The following SNX32 variants were observed in gnomAD, a reference collection of about 807,000 sequenced individuals.
SNX32 encodes sorting nexin 32.
SNX32 carries 58 observed loss-of-function variants against 57.0 expected under a neutral mutation model. That is an observed-to-expected ratio of 1.02 (90% CI 0.82 to 1.27). The LOEUF (loss-of-function observed/expected upper bound fraction) is 1.27. Among genes scored for constraint, SNX32 ranks in the 50% most tolerant of loss-of-function variants. SNX32 has a pLI of 0.00. For synonymous variants in SNX32, 262 were observed against 220.4 expected, an observed-to-expected ratio of 1.19 and a Z score of -1.67; for missense variants, 589 against 541.2, an observed-to-expected ratio of 1.09 and a Z score of -0.88.
In SNX32 at chr11:65,852,642, C is replaced by T. The variant is rs140929894; in HGVS notation, c.925C>T (p.Arg309Trp). The change falls in exon 11 of 13, where the codon CGG becomes TGG. Residue 309 changes from arginine (R) to tryptophan (W), a missense_variant. Physicochemically the swap from Arg to Trp is moderately radical, Grantham distance 101. Coordinates refer to ENST00000308342, the MANE Select transcript of SNX32 (RefSeq NM_152760.3). ...CCCATGGTCCTAGGACCTGCTGTACCGGCGGCTGCGGGCACTGGCCGACTA... is the reference window on the plus strand; with the variant it reads ...CCCATGGTCCTAGGACCTGCTGTACTGGCGGCTGCGGGCACTGGCCGACTA... ...DSQAAKDLLY[R>W]RLRALADYEN... 3.2e-5 allele frequency: 51 copies of T among 1,606,758 alleles called. No individual in the cohort carries two copies. In the African/African-American group the frequency reaches 4.4e-4, roughly 14 times the overall value.
In SNX32 at chr11:65,853,647, T is replaced by C. The variant is rs1006506376; in HGVS notation, c.*312T>C. On this transcript the variant is annotated 3_prime_UTR_variant, in exon 13 of 13. Coordinates refer to ENST00000308342, the MANE Select transcript of SNX32 (RefSeq NM_152760.3). ...CCCATAGCCCTGAAGGAATCATAGC[T>C]CACTTGATCCCGGCCTGTTCTCCTT... 8 of 456,940 alleles carry C rather than the reference T, an allele frequency of 1.8e-5. No individual in the cohort carries two copies. Among genetic ancestry groups the C allele is most frequent in the East Asian group, 3.8e-5 (1 of 26,174 alleles). The allele number at this position is 456,940 out of a possible 1,614,324, so 28.3% of individuals were successfully genotyped here.
rs1182621169 is a variant in SNX32 at position 65,850,473 on chromosome 11, A to G, written c.417A>G (p.Glu139=). Residue 139 remains glutamate (E), a synonymous_variant, in exon 5 of 13, where the codon GAA becomes GAG. Transcript: ENST00000308342. ...AIFKKTVAMH[E]VFLQRLAAHP... ...TTAAGAAGACAGTTGCGATGCACGAAGTCTTTCTGCAGCGCCTGGCGGCCC... is the reference window on the plus strand; with the variant it reads ...TTAAGAAGACAGTTGCGATGCACGAGGTCTTTCTGCAGCGCCTGGCGGCCC... The G allele has an allele frequency of 6.2e-7, 1 of 1,614,064 alleles. No individual in the cohort carries two copies. The highest frequency in any genetic ancestry group is 1.3e-5 in the African/African-American group (1 of 74,932).
At position 65,852,700 on chromosome 11, in the gene SNX32, GCAC is replaced by G; in HGVS notation, c.986_988del (p.Thr329del). 6.3e-7 allele frequency: 1 copy of G among 1,597,560 alleles called. No individual in the cohort carries two copies. Among genetic ancestry groups the G allele is most frequent in the East Asian group, 2.3e-5 (1 of 44,354 alleles). On this transcript the variant is annotated inframe_deletion, in exon 11 of 13. Transcript: ENST00000308342. ...GCCAACAAGGCGCTGGACAAGGCGC[GCAC>G]CAGGAACCGGGAGGTGCGGCCCGCC... is the stretch of plus-strand genomic sequence containing the variant.
At chr11:65,845,227 C>G (rs895767611) in intron 1 of SNX32, among the ~76,000 whole-genome samples, 12 of 150,214 alleles carry the variant, frequency 8.0e-5, no homozygotes, top group Non-Finnish European at 1.6e-4. Context: ...ATCATGAGGT[C>G]TGGAGATCGA....
intron 1 of SNX32, among the ~76,000 whole-genome samples, chr11:65,846,292 C>T (rs1287939000): frequency 6.6e-6 from 1 of 151,016 alleles, no homozygotes; most frequent in Admixed American, 6.6e-5. Context: ...TAGGCCAGGA[C>T]GGGTGCGGTG....
At chr11:65,849,704 C>T (rs145224830) in intron 2 of SNX32, 122 bp downstream of exon 2, 3 of 926,786 alleles carry the variant, frequency 3.2e-6, no homozygotes, top group African/African-American at 1.6e-5. Flanking sequence ...GGCACTTGCC[C>T]TCAGCCCCTC....
At position 65,850,170 on chromosome 11, in the gene SNX32, G is replaced by A; in HGVS notation, c.273G>A (p.Arg91=). Residue 91 remains arginine (R), a synonymous_variant, in exon 4 of 13, where the codon AGG becomes AGA. Coordinates refer to ENST00000308342, the MANE Select transcript of SNX32 (RefSeq NM_152760.3). ...AGLIIPPAPP[R]PDFEASREKL... ...AGCAGATCCCCCCAGCCCCTCCGAG[G>A]CCAGACTTTGAGGCTTCGAGGGAAA... 1 of 1,614,210 alleles carries A rather than the reference G, an allele frequency of 6.2e-7. No homozygotes were observed. Among genetic ancestry groups the A allele is most frequent in the Non-Finnish European group, 8.5e-7 (1 of 1,180,030 alleles).
Position 65,853,070 on chromosome 11 carries a change from C to T in SNX32, c.1158+112C>T, listed in dbSNP as rs554379065. Reference sequence around the variant, plus strand: ...GTGAGGGTGTGCACGCATGTATGCGCGTGTGTGTGCATGAGAGGAGCCCCA... The same window carrying T: ...GTGAGGGTGTGCACGCATGTATGCGTGTGTGTGTGCATGAGAGGAGCCCCA... On this transcript the variant is annotated intron_variant, in intron 12 of 12. Coordinates refer to ENST00000308342, the MANE Select transcript of SNX32 (RefSeq NM_152760.3). 2.6e-5 allele frequency: 34 copies of T among 1,301,378 alleles called. No homozygotes were observed. In the Admixed American group the frequency reaches 2.7e-4, roughly 10 times the overall value. 80.6% of individuals were successfully genotyped at this position (1,301,378 alleles called of 1,614,324 possible).
Position 65,833,974 on chromosome 11 carries a change from G to T in SNX32, c.-92G>T, listed in dbSNP as rs1858573602. 2 of 1,422,014 alleles carry T rather than the reference G, an allele frequency of 1.4e-6. No homozygotes were observed. Among genetic ancestry groups the T allele is most frequent in the Non-Finnish European group, 1.9e-6 (2 of 1,042,916 alleles). 88.1% of individuals were successfully genotyped at this position (1,422,014 alleles called of 1,614,324 possible). A position where few individuals can be genotyped will look rare whatever the true frequency, so the allele number is the denominator to read the frequency against. ...GGGAGAGCGTCCCCGTCAGCTGAGA[G>T]CATCCTCACTCGGTCAGTTCCTCGG... is the stretch of plus-strand genomic sequence containing the variant. On this transcript the variant is annotated 5_prime_UTR_variant, in exon 1 of 13. Transcript: ENST00000308342.
rs1418289068 is a variant in SNX32, at chr11:65,849,539, CAGTG to C, written c.105_108del (p.Glu36GlyfsTer4). ...TCCTTACAGGTGGAGATTTCTGACG[CAGTG>C]AGTGAGCGGGACAAGGTGAAATTCA... On this transcript the variant is annotated frameshift_variant, in exon 2 of 13. Transcript: ENST00000308342. LOFTEE classifies it high-confidence loss of function. The C allele has an allele frequency of 1.9e-6, 3 of 1,614,182 alleles. No individual in the cohort carries two copies. The highest frequency in any genetic ancestry group is 1.7e-6 in the Non-Finnish European group (2 of 1,180,012).
In SNX32 at chr11:65,849,496, G is replaced by T. The variant is rs959534715; in HGVS notation, c.55G>T (p.Asp19Tyr). 31 of 1,612,752 alleles carry T rather than the reference G, an allele frequency of 1.9e-5. No homozygotes were observed. Among genetic ancestry groups the T allele is most frequent in the Non-Finnish European group, 2.5e-5 (29 of 1,179,166 alleles). Residue 19 changes from aspartate to tyrosine, a missense_variant, in exon 2 of 13, where the codon GAT (aspartate) becomes TAT (tyrosine). Transcript: ENST00000308342. ...KEGKPSCASV[D>Y]LQGDSSLQVE... ...TCCGCAGCCTTCCTGTGCATCGGTGGATCTGCAGGGAGACAGCTCCTTACA... is the reference window on the plus strand; with the variant it reads ...TCCGCAGCCTTCCTGTGCATCGGTGTATCTGCAGGGAGACAGCTCCTTACA...
intron 1 of SNX32, among the ~76,000 whole-genome samples, chr11:65,846,838 C>G (rs1411026369): frequency 6.6e-6 from 1 of 151,992 alleles, no homozygotes; most frequent in Non-Finnish European, 1.5e-5. Flanking sequence ...ACAAAATTAG[C>G]TGGGCGTGGT....
At chr11:65,834,349 CTG>C (rs200213689) in intron 1 of SNX32, among the ~76,000 whole-genome samples, 11 of 149,744 alleles carry the variant, frequency 7.3e-5, no homozygotes, top group African/African-American at 2.5e-4. Context: ...CTCTGTGTGT[CTG>C]TGTGTCTGTG....
chr11:65,840,794 A>G (rs549587372), intron 1 of SNX32, among the ~76,000 whole-genome samples: 5 of 133,148 alleles, frequency 3.8e-5, no homozygotes, highest in East Asian at 4.0e-4. Context: ...ACAGAGCAAG[A>G]CCCTGTCTCA....
chr11:65,848,608 A>C (rs995631254), intron 1 of SNX32, among the ~76,000 whole-genome samples: 1 of 152,224 alleles, frequency 6.6e-6, no homozygotes, highest in Non-Finnish European at 1.5e-5. Context: ...TCAATGCAAG[A>C]ATGAGCTAGT....
chr11:65,850,376 G>A (rs189593676), intron 4 of SNX32, 55 bp from the exon 5 acceptor site: 5 of 1,612,514 alleles, frequency 3.1e-6, no homozygotes, highest in Non-Finnish European at 4.2e-6. Flanking sequence ...CAGAAAGGGG[G>A]CAGGCAGGAT....
intron 1 of SNX32, among the ~76,000 whole-genome samples, chr11:65,846,650 G>A (rs972644115): frequency 6.6e-6 from 1 of 151,868 alleles, no homozygotes; most frequent in Non-Finnish European, 1.5e-5. Flanking sequence ...GGAGATAATT[G>A]ATGGGTGTGG....
chr11:65,850,717 C>CACCCCAGCATCAT lies in SNX32; in HGVS notation c.499-29_499-17dup, dbSNP rs1339172396. 12 of 1,605,114 alleles carry CACCCCAGCATCAT rather than the reference C, an allele frequency of 7.5e-6. No individual in the cohort carries two copies. In the Admixed American group the frequency reaches 2.0e-4, roughly 27 times the overall value. On this transcript the variant is annotated intron_variant, in intron 5 of 12. Coordinates refer to ENST00000308342, the MANE Select transcript of SNX32 (RefSeq NM_152760.3). ...ACTTGGGGTGGGAGGTGAGAACGCCCACCCCAGCATCATACCCTCCCTGTG... is the reference window on the plus strand; with the variant it reads ...ACTTGGGGTGGGAGGTGAGAACGCCCACCCCAGCATCATACCCCAGCATCATACCCTCCCTGTG...
At chr11:65,834,211 TG>T in intron 1 of SNX32, 110 bp downstream of exon 1, 1 of 1,007,652 alleles carries the variant, frequency 9.9e-7, no homozygotes, top group Non-Finnish European at 1.5e-6. Flanking sequence ...GGTCTGCCTC[TG>T]TGTGTTTCTG....
Sources: gnomAD v4.1 joint callset for allele counts (sites outside exome capture counted in the v4.1 genomes callset) on GRCh38, gnomAD v4.1.1 for gene constraint, MANE v1.5 for transcripts, NCBI Gene and HGNC (gene_info 2026-07-23, HGNC 2026-07-21) for gene names.